The following BBS9 variants were observed in gnomAD, a reference collection of about 807,000 sequenced individuals.
BBS9 encodes protein PTHB1.
BBS9 carries 89 observed loss-of-function variants against 117.7 expected under a neutral mutation model. The ratio of observed to expected loss-of-function variants is 0.76; its 90% confidence interval spans 0.64 to 0.90. BBS9 has a LOEUF of 0.90. Among genes scored for constraint, BBS9 ranks in the 40% least tolerant of loss-of-function variants. The pLI, the probability that BBS9 is intolerant of heterozygous loss-of-function variation, is 0.00. For synonymous variants in BBS9, 379 were observed against 370.9 expected, an observed-to-expected ratio of 1.02 and a Z score of -0.25; for missense variants, 982 against 1,042.2, an observed-to-expected ratio of 0.94 and a Z score of 0.80.
intron 21 of BBS9, among the ~76,000 whole-genome samples, chr7:33,621,171 A>T (rs897543612): frequency 3.3e-5 from 5 of 152,208 alleles, no homozygotes; most frequent in Non-Finnish European, 4.4e-5. Context: ...TTATTTGGAC[A>T]TGACCACAAC....
At chr7:33,139,812 T>C (rs571403598) in intron 1 of BBS9, among the ~76,000 whole-genome samples, 11 of 152,328 alleles carry the variant, frequency 7.2e-5, no homozygotes, top group East Asian at 5.8e-4. Context: ...TACTCTTTGG[T>C]TGGTTACTAC....
At chr7:33,402,076 C>G (rs1224870466) in intron 19 of BBS9, among the ~76,000 whole-genome samples, 1 of 152,188 alleles carries the variant, frequency 6.6e-6, no homozygotes, top group Non-Finnish European at 1.5e-5. Flanking sequence ...AGGAAGCCCA[C>G]AGGTCCTGGT....
At chr7:33,183,309 A>C (rs1798347184) in intron 5 of BBS9, among the ~76,000 whole-genome samples, 1 of 152,164 alleles carries the variant, frequency 6.6e-6, no homozygotes, top group Non-Finnish European at 1.5e-5. Flanking sequence ...TCAAGAAGAC[A>C]AAATGGAGAA....
chr7:33,226,063 C>T (rs982696419), intron 5 of BBS9, among the ~76,000 whole-genome samples: 2 of 152,054 alleles, frequency 1.3e-5, no homozygotes. Flanking sequence ...GTAATAATGC[C>T]TTGGTGGCAA....
chr7:33,310,482 A>T (rs867694879), intron 9 of BBS9, among the ~76,000 whole-genome samples: 1 of 152,228 alleles, frequency 6.6e-6, no homozygotes, highest in South Asian at 2.1e-4. Flanking sequence ...TGGGCCATGG[A>T]TAGGATGACA....
Position 33,492,817 on chromosome 7 carries a change from T to A in BBS9, c.2116-12646T>A, listed in dbSNP as rs1053393398. Among the ~76,000 whole-genome samples, 288 of 86,418 alleles carry A rather than the reference T, an allele frequency of 3.3e-3. 6 individuals carry two copies. In the South Asian group the frequency reaches 0.054, roughly 16 times the overall value. 56.7% of individuals were successfully genotyped at this position (86,418 alleles called of 152,430 possible). On this transcript the variant is annotated intron_variant, in intron 19 of 22. Coordinates refer to ENST00000242067, the MANE Select transcript of BBS9 (RefSeq NM_198428.3). ...ATCATCTAGTATAGGAGTGAGTGTG[T>A]GTGTGTGTGTGTGTGTGTGTGTGTG...
intron 4 of BBS9, among the ~76,000 whole-genome samples, chr7:33,161,734 C>T (rs1169978680): frequency 6.6e-6 from 1 of 152,212 alleles, no homozygotes; most frequent in Non-Finnish European, 1.5e-5. Context: ...TACACTCCCA[C>T]CAACAGTGTG....
At chr7:33,425,512 C>A (rs1833535749) in intron 19 of BBS9, among the ~76,000 whole-genome samples, 1 of 152,144 alleles carries the variant, frequency 6.6e-6, no homozygotes, top group Non-Finnish European at 1.5e-5. Context: ...CCCCACAGCC[C>A]CCTCCAGAGG....
At chr7:33,560,612 G>GTACC (rs1461415027) in intron 21 of BBS9, among the ~76,000 whole-genome samples, 1 of 152,148 alleles carries the variant, frequency 6.6e-6, no homozygotes, top group Non-Finnish European at 1.5e-5. Flanking sequence ...TTCAGTGGAT[G>GTACC]TACCAAGGAG....
downstream of BBS9, among the ~76,000 whole-genome samples, chr7:33,610,394 G>A (rs991268963): frequency 6.6e-6 from 1 of 152,034 alleles, no homozygotes; most frequent in African/African-American, 2.4e-5. Flanking sequence ...CAAGATCAAG[G>A]CACCAGAAGG....
intron 5 of BBS9, among the ~76,000 whole-genome samples, chr7:33,178,582 T>C (rs1185712844): frequency 6.6e-6 from 1 of 152,162 alleles, no homozygotes; most frequent in African/African-American, 2.4e-5. Context: ...ACCTGTGTGA[T>C]TGTGTGACTC....
chr7:33,211,117 A>T (rs55829345), intron 5 of BBS9, among the ~76,000 whole-genome samples: 9,811 of 152,092 alleles, frequency 0.065, 418 homozygotes, highest in South Asian at 0.13. Context: ...TTGTTTTTTC[A>T]TGCATTCAGC....
intron 1 of BBS9, among the ~76,000 whole-genome samples, chr7:33,141,478 A>G (rs966493212): frequency 6.6e-6 from 1 of 152,076 alleles, no homozygotes; most frequent in Non-Finnish European, 1.5e-5. Context: ...TGATCCTCTC[A>G]CCTCAGACTC....
At chr7:33,621,762 T>C (rs561192946) in intron 21 of BBS9, among the ~76,000 whole-genome samples, 3 of 152,328 alleles carry the variant, frequency 2.0e-5, no homozygotes, top group African/African-American at 7.2e-5. Flanking sequence ...AGCCAAGGTA[T>C]GGAATTAACC....
At chr7:33,165,431 C>G (rs1407356441) in intron 4 of BBS9, among the ~76,000 whole-genome samples, 3 of 152,088 alleles carry the variant, frequency 2.0e-5, no homozygotes, top group East Asian at 1.9e-4. Flanking sequence ...TGTTTTCCAA[C>G]TTGGTTCCAT....
At chr7:33,367,684 C>T (rs566067792) in intron 16 of BBS9, 83 bp from the exon 17 acceptor site, 6 of 1,080,762 alleles carry the variant, frequency 5.6e-6, no homozygotes, top group South Asian at 2.5e-5. Flanking sequence ...AAAAAACACG[C>T]ATCATTCAAC....
intron 5 of BBS9, among the ~76,000 whole-genome samples, chr7:33,244,937 A>G (rs76585129): frequency 1.3e-5 from 2 of 152,302 alleles, no homozygotes; most frequent in East Asian, 3.9e-4. Context: ...GAAACAGGGA[A>G]CAGTCAGGGA....
chr7:33,432,548 AG>A (rs1165408672), intron 19 of BBS9, among the ~76,000 whole-genome samples: 2 of 152,182 alleles, frequency 1.3e-5, no homozygotes, highest in South Asian at 2.1e-4. Flanking sequence ...ATCCAATTTA[AG>A]GTGTTCTTTT....
intron 9 of BBS9, among the ~76,000 whole-genome samples, chr7:33,324,948 G>T (rs1584327934): frequency 6.6e-6 from 1 of 152,002 alleles, no homozygotes; most frequent in African/African-American, 2.4e-5. Context: ...TAATGATCTT[G>T]CAGTAGTCTT....
Sources: allele counts gnomAD v4.1 joint callset (sites outside exome capture counted in the v4.1 genomes callset), GRCh38; gene constraint gnomAD v4.1.1; transcripts MANE v1.5; gene names NCBI Gene and HGNC (gene_info 2026-07-23, HGNC 2026-07-21).